Variants in SNX7 observed in about 807,000 individuals in gnomAD.
The protein encoded by SNX7 is sorting nexin-7.
Under a neutral mutation model 48.4 loss-of-function variants are expected in SNX7, and 35 were observed. The ratio of observed to expected loss-of-function variants is 0.72; its 90% confidence interval spans 0.55 to 0.96. The LOEUF (loss-of-function observed/expected upper bound fraction) is 0.96. Among genes scored for constraint, SNX7 ranks in the 40% least tolerant of loss-of-function variants. SNX7 has a pLI of 0.00. For synonymous variants in SNX7, 190 were observed against 190.2 expected (o/e 1.00, Z 0.01); for missense variants, 553 against 548.9 (o/e 1.01, Z -0.07).
chr1:98,667,240 A>G (rs1219852731), intron 1 of SNX7, among the ~76,000 whole-genome samples: 2 of 152,198 alleles, frequency 1.3e-5, no homozygotes, highest in Admixed American at 1.3e-4. Flanking sequence ...AAATCTTTTG[A>G]TAAGTTAGAA....
chr1:98,683,494 G>A (rs889224291), intron 1 of SNX7, among the ~76,000 whole-genome samples: 1 of 151,992 alleles, frequency 6.6e-6, no homozygotes, highest in Non-Finnish European at 1.5e-5. Context: ...GCCTTTGGGT[G>A]GTGATTAGAT....
chr1:98,662,078 C>A, intron 1 of SNX7, 167 bp downstream of exon 1: 1 of 657,802 alleles, frequency 1.5e-6, no homozygotes, highest in Non-Finnish European at 2.2e-6. Flanking sequence ...CCAGCTCTGG[C>A]CGCACCCGGG....
intron 1 of SNX7, chr1:98,662,412 C>A (rs1433071701): frequency 3.9e-6 from 1 of 253,384 alleles, no homozygotes; most frequent in Non-Finnish European, 7.9e-6. Flanking sequence ...GGAATAGGTT[C>A]TAGGAAATCT....
At chr1:98,724,858 A>T (rs1653083139) in intron 7 of SNX7, among the ~76,000 whole-genome samples, 1 of 152,198 alleles carries the variant, frequency 6.6e-6, no homozygotes, top group South Asian at 2.1e-4. Context: ...TTCTCAATCC[A>T]TAATTTTTAT....
chr1:98,663,253 G>GTTTTTTTTTT (rs61588201), intron 1 of SNX7, among the ~76,000 whole-genome samples: 1 of 41,506 alleles, frequency 2.4e-5, no homozygotes, highest in African/African-American at 7.5e-5. Context: ...TTTCTTTCTG[G>GTTTTTTTTTT]TTTTTTTTTT....
chr1:98,667,467 C>G (rs538894285), intron 1 of SNX7, among the ~76,000 whole-genome samples: 1 of 152,248 alleles, frequency 6.6e-6, no homozygotes, highest in Admixed American at 6.5e-5. Context: ...CCTCCACCTC[C>G]CAAGGCTCAA....
At chr1:98,670,462 T>C (rs1649789261) in intron 1 of SNX7, among the ~76,000 whole-genome samples, 2 of 152,208 alleles carry the variant, frequency 1.3e-5, no homozygotes. Flanking sequence ...GCAGAAACTA[T>C]AGCCAATCGT....
At chr1:98,757,570 A>G (rs945292641) in intron 8 of SNX7, among the ~76,000 whole-genome samples, 1 of 151,994 alleles carries the variant, frequency 6.6e-6, no homozygotes, top group Non-Finnish European at 1.5e-5. Context: ...ATCTGCAAAT[A>G]TAGTCACTTT....
intron 8 of SNX7, among the ~76,000 whole-genome samples, chr1:98,757,659 G>A (rs767313241): frequency 6.6e-6 from 1 of 151,832 alleles, no homozygotes; most frequent in Non-Finnish European, 1.5e-5. Flanking sequence ...CCACCCCAGG[G>A]ACCACTATCC....
At chr1:98,753,232 A>G (rs914708871) in intron 8 of SNX7, among the ~76,000 whole-genome samples, 12 of 152,082 alleles carry the variant, frequency 7.9e-5, no homozygotes, top group African/African-American at 2.7e-4. Context: ...CAGTTGTTCT[A>G]TAATGTTCTG....
intron 2 of SNX7, among the ~76,000 whole-genome samples, chr1:98,686,985 T>C (rs6577232): frequency 0.88 from 133,821 of 152,136 alleles, 60,054 homozygotes; most frequent in Non-Finnish European, 0.96. Context: ...TCTGAGTTTT[T>C]CTATTTACAC....
At chr1:98,729,897 T>TA (rs951211736) in intron 7 of SNX7, among the ~76,000 whole-genome samples, 1 of 152,164 alleles carries the variant, frequency 6.6e-6, no homozygotes, top group African/African-American at 2.4e-5. Flanking sequence ...GACTCCCCCC[T>TA]AACTCATTTT....
intron 1 of SNX7, among the ~76,000 whole-genome samples, chr1:98,683,395 A>C (rs1270991151): frequency 6.6e-6 from 1 of 152,120 alleles, no homozygotes; most frequent in Non-Finnish European, 1.5e-5. Flanking sequence ...ACTTCCAACT[A>C]TGGTGGGTGC....
intron 7 of SNX7, among the ~76,000 whole-genome samples, chr1:98,726,323 TG>T (rs1457212304): frequency 6.6e-6 from 1 of 152,166 alleles, no homozygotes; most frequent in Non-Finnish European, 1.5e-5. Context: ...CTGAGAAAGA[TG>T]GAATGTTATT....
intron 7 of SNX7, among the ~76,000 whole-genome samples, chr1:98,718,392 C>A (rs909611039): frequency 1.3e-5 from 2 of 151,994 alleles, no homozygotes; most frequent in South Asian, 2.1e-4. Flanking sequence ...AACTCAGAGT[C>A]TCCATTTTTA....
rs139577024 is a variant in SNX7 at position 98,702,101 on chromosome 1, C to T, written c.1125+198C>T. The stretch of plus-strand genomic sequence containing the variant: ...TGTGAGTCTACAAGCTTAACAATGA[C>T]GGTTTTCTGCCTTTCTGACTTATGT... On this transcript the variant is annotated intron_variant, in intron 7 of 8. Coordinates refer to ENST00000306121, the MANE Select transcript of SNX7 (RefSeq NM_015976.5). Among the ~76,000 whole-genome samples, 977 of 152,110 alleles carry T rather than the reference C, an allele frequency of 6.4e-3. 3 individuals carry two copies. The highest frequency in any genetic ancestry group is 9.2e-3 in the Non-Finnish European group (628 of 67,964).
intron 8 of SNX7, among the ~76,000 whole-genome samples, chr1:98,753,181 A>G (rs990713573): frequency 6.6e-6 from 1 of 152,088 alleles, no homozygotes; most frequent in Non-Finnish European, 1.5e-5. Flanking sequence ...TCATATCAGT[A>G]TATGGCAGTT....
Position 98,760,052 on chromosome 1 carries a change from A to G in SNX7, c.1279-2A>G. ...GCCTCATGGTGTGTTTCCATTATTC[A>G]GTGCCTTGCTACGTGGGAGTCATTC... On this transcript the variant is annotated splice_acceptor_variant, in intron 8 of 8. Transcript: ENST00000306121. LOFTEE classifies it high-confidence loss of function. 2 of 1,585,608 alleles carry G rather than the reference A, an allele frequency of 1.3e-6. No homozygotes were observed. The highest frequency in any genetic ancestry group is 8.7e-7 in the Non-Finnish European group (1 of 1,154,342).
At chr1:98,747,852 TAA>T (rs1241218830) in intron 8 of SNX7, among the ~76,000 whole-genome samples, 1 of 152,170 alleles carries the variant, frequency 6.6e-6, no homozygotes, top group Non-Finnish European at 1.5e-5. Context: ...GTTGTTTGAT[TAA>T]GTGTGATTTC....
Sources: gnomAD v4.1 joint callset for allele counts (sites outside exome capture counted in the v4.1 genomes callset) on GRCh38, gnomAD v4.1.1 for gene constraint, MANE v1.5 for transcripts, NCBI Gene and HGNC (gene_info 2026-07-23, HGNC 2026-07-21) for gene names.